Variants in LARP1 observed in about 807,000 individuals in gnomAD.
LARP1 encodes La ribonucleoprotein 1, translational regulator, also known as la-related protein 1.
LARP1 carries 36 observed loss-of-function variants against 122.7 expected under a neutral mutation model. The ratio of observed to expected loss-of-function variants is 0.29; its 90% CI spans 0.22 to 0.39. The LOEUF (loss-of-function observed/expected upper bound fraction) is 0.39, where lower values mean the gene tolerates loss of function less well. Ranked by LOEUF, LARP1 falls within the 10% of genes least tolerant of loss-of-function variation. The pLI is 1.00. For synonymous variants in LARP1, 539 were observed against 528.7 expected (o/e 1.02, Z -0.27); for missense variants, 1,040 against 1,403.6 (o/e 0.74, Z 4.14).
chr5:154,762,859 G>A (rs1042676756), intron 1 of LARP1, among the ~76,000 whole-genome samples: 1 of 152,134 alleles, frequency 6.6e-6, no homozygotes, highest in Non-Finnish European at 1.5e-5. Context: ...AAGTCCCACA[G>A]TAGCCAGGAG....
chr5:154,728,358 G>A (rs1756356097), intron 1 of LARP1, among the ~76,000 whole-genome samples: 2 of 152,308 alleles, frequency 1.3e-5, no homozygotes, highest in African/African-American at 4.8e-5. Flanking sequence ...TTTCAATCAA[G>A]AGATAGAGTC....
chr5:154,730,667 T>A (rs1176169973), intron 1 of LARP1, among the ~76,000 whole-genome samples: 1 of 151,874 alleles, frequency 6.6e-6, no homozygotes, highest in Non-Finnish European at 1.5e-5. Context: ...AGAGACAAGG[T>A]TTCACCATGT....
Position 154,816,952 on chromosome 5 carries a change from CAGAT to C in LARP1, c.*2860_*2863del, listed in dbSNP as rs1214379013. The C allele has an allele frequency of 6.6e-6, 1 of 151,788 alleles. No homozygotes were observed. Among genetic ancestry groups the C allele is most frequent in the East Asian group, 1.9e-4 (1 of 5,166 alleles). The allele number at this position is 151,788 out of a possible 1,614,324, so 9.4% of individuals were successfully genotyped here. A position where few individuals can be genotyped will look rare whatever the true frequency, so the allele number is the denominator to read the frequency against. On this transcript the variant is annotated 3_prime_UTR_variant, in exon 19 of 19. Coordinates refer to ENST00000518297, the MANE Select transcript of LARP1 (RefSeq NM_033551.3). ...TGCCCCAGCCTGGACCCCTGGGGCT[CAGAT>C]AGAGGTGCTGAGCCCCTGTGTCAAA...
intron 7 of LARP1, among the ~76,000 whole-genome samples, chr5:154,794,519 C>T (rs924993973): frequency 5.3e-5 from 8 of 152,190 alleles, no homozygotes; most frequent in African/African-American, 1.9e-4. Flanking sequence ...AGAATCTACC[C>T]CCTTCTGTTC....
intron 1 of LARP1, among the ~76,000 whole-genome samples, chr5:154,779,434 T>C (rs1028707820): frequency 3.9e-5 from 6 of 152,036 alleles, no homozygotes; most frequent in East Asian, 1.9e-4. Context: ...ACCTGTCTCT[T>C]AACTCCGTGG....
At chr5:154,687,661 G>T (rs981034143) in intron 1 of LARP1, among the ~76,000 whole-genome samples, 3 of 152,172 alleles carry the variant, frequency 2.0e-5, no homozygotes, top group African/African-American at 7.2e-5. Context: ...GATTACAGGC[G>T]TGAGCCACTG....
intron 1 of LARP1, among the ~76,000 whole-genome samples, chr5:154,726,121 T>A (rs1756200678): frequency 6.6e-6 from 1 of 152,098 alleles, no homozygotes; most frequent in Non-Finnish European, 1.5e-5. Flanking sequence ...ATTACAGGTG[T>A]GAGCCACCGC....
chr5:154,804,784 C>T (rs1360791375), intron 14 of LARP1: 1 of 456,220 alleles, frequency 2.2e-6, no homozygotes, highest in Non-Finnish European at 4.4e-6. Context: ...TAAGATGGCC[C>T]CAGTGTGTGT....
intron 1 of LARP1, among the ~76,000 whole-genome samples, chr5:154,721,245 G>GCC (rs776978057): frequency 6.6e-6 from 1 of 151,670 alleles, no homozygotes; most frequent in Non-Finnish European, 1.5e-5. Flanking sequence ...TACTCCAGAG[G>GCC]CTGAGGTGGG....
chr5:154,755,307 G>GGCGC (rs1753754241), upstream of LARP1, among the ~76,000 whole-genome samples: 2 of 148,422 alleles, frequency 1.3e-5, no homozygotes, highest in Admixed American at 1.3e-4. Context: ...CGCGTCGTGA[G>GGCGC]GCGCGCGCCC....
upstream of LARP1, among the ~76,000 whole-genome samples, chr5:154,712,550 G>A (rs938896194): frequency 1.3e-5 from 2 of 152,168 alleles, no homozygotes; most frequent in Non-Finnish European, 1.5e-5. Flanking sequence ...AGTCTGAACC[G>A]CACTAAGCAC....
chr5:154,770,335 G>C (rs1391126264), intron 1 of LARP1, among the ~76,000 whole-genome samples: 1 of 151,638 alleles, frequency 6.6e-6, no homozygotes, highest in Non-Finnish European at 1.5e-5. Flanking sequence ...TTCTCACACT[G>C]TCTAGAAGCT....
At chr5:154,710,989 G>T (rs1217816907), upstream of LARP1, among the ~76,000 whole-genome samples, 59 of 152,122 alleles carry the variant, frequency 3.9e-4, no homozygotes, top group African/African-American at 1.4e-3. Context: ...AAAAATCAGA[G>T]TAAAAAATTC....
At chr5:154,730,302 C>T (rs1292560215) in intron 1 of LARP1, among the ~76,000 whole-genome samples, 1 of 151,846 alleles carries the variant, frequency 6.6e-6, no homozygotes, top group East Asian at 1.9e-4. Flanking sequence ...GATTCTCCCA[C>T]CTCAGCCTCC....
At chr5:154,806,129 C>CT in intron 15 of LARP1, 97 bp downstream of exon 15, 1 of 1,316,998 alleles carries the variant, frequency 7.6e-7, no homozygotes, top group Non-Finnish European at 1.0e-6. Context: ...ACTCTTTTCT[C>CT]TGACTTCAGA....
intron 1 of LARP1, among the ~76,000 whole-genome samples, chr5:154,693,197 G>T (rs1263522562): frequency 1.3e-5 from 2 of 150,322 alleles, no homozygotes; most frequent in Non-Finnish European, 3.0e-5. Flanking sequence ...GAGTGCAGTG[G>T]CATGATCTCG....
At chr5:154,722,488 A>G (rs1008841305) in intron 1 of LARP1, among the ~76,000 whole-genome samples, 8 of 152,070 alleles carry the variant, frequency 5.3e-5, no homozygotes, top group African/African-American at 1.9e-4. Flanking sequence ...TGGGCCAGAC[A>G]GGGGTTATTT....
chr5:154,797,801 G>A (rs1368413801), intron 8 of LARP1, among the ~76,000 whole-genome samples: 2 of 151,452 alleles, frequency 1.3e-5, no homozygotes, highest in Non-Finnish European at 2.9e-5. Context: ...CAATCCTCTT[G>A]CCTCAGCCTC....
chr5:154,794,359 G>C, intron 7 of LARP1, 97 bp downstream of exon 7: 1 of 1,187,666 alleles, frequency 8.4e-7, no homozygotes, highest in Non-Finnish European at 1.2e-6. Flanking sequence ...GTGCTTAGCA[G>C]CAGTTTCAGC....
Sources: allele counts gnomAD v4.1 joint callset (sites outside exome capture counted in the v4.1 genomes callset), GRCh38; gene constraint gnomAD v4.1.1; transcripts MANE v1.5; gene names NCBI Gene and HGNC (gene_info 2026-07-23, HGNC 2026-07-21).